PRMT3: variants seen among roughly 807,000 people sequenced by gnomAD.
The protein encoded by PRMT3 is protein arginine N-methyltransferase 3.
PRMT3 carries 62 observed loss-of-function variants against 71.9 expected under a neutral mutation model. The observed-to-expected ratio is 0.86, with a 90% CI of 0.70 to 1.07. The LOEUF (loss-of-function observed/expected upper bound fraction) is 1.07, where lower values mean the gene tolerates loss of function less well. PRMT3 is among the 50% of genes least tolerant of loss of function. The pLI, the probability that PRMT3 is intolerant of heterozygous loss-of-function variation, is 0.00. For missense variants in PRMT3, 663 were observed against 643.0 expected (o/e 1.03, Z -0.34); for synonymous variants, 213 against 220.4 (o/e 0.97, Z 0.30).
At chr11:20,426,687 T>C in intron 9 of PRMT3, 79 bp from the exon 10 acceptor site, 1 of 1,302,438 alleles carries the variant, frequency 7.7e-7, no homozygotes, top group East Asian at 3.2e-5. Context: ...ACAATACGAG[T>C]TGTTGGCAAA....
In PRMT3 at chr11:20,475,263, A is replaced by C. The variant is rs187374788; in HGVS notation, c.1347+10717A>C. Among the ~76,000 whole-genome samples, 243 of 152,328 alleles carry C rather than the reference A, an allele frequency of 1.6e-3. 1 individual carries two copies. The highest frequency in any genetic ancestry group is 3.9e-3 in the Admixed American group (60 of 15,308). On this transcript the variant is annotated intron_variant, in intron 13 of 15. Transcript: ENST00000331079. ...TATTATTATCCTTTAACAAGAAGGG[A>C]AACTTTGAAGAGGAACTTCTACTTT... is the stretch of plus-strand genomic sequence containing the variant.
chr11:20,428,932 C>T (rs1453685007), intron 10 of PRMT3, among the ~76,000 whole-genome samples: 1 of 152,188 alleles, frequency 6.6e-6, no homozygotes. Flanking sequence ...GCAACCCCAG[C>T]CCTGGGTTCT....
At chr11:20,414,752 A>G (rs1849265272) in intron 9 of PRMT3, among the ~76,000 whole-genome samples, 1 of 152,162 alleles carries the variant, frequency 6.6e-6, no homozygotes, top group Non-Finnish European at 1.5e-5. Flanking sequence ...TCAGTTTGAC[A>G]TTAAAGATGC....
chr11:20,491,194 T>C (rs1308723206), intron 13 of PRMT3, among the ~76,000 whole-genome samples: 2 of 152,198 alleles, frequency 1.3e-5, no homozygotes, highest in Non-Finnish European at 2.9e-5. Flanking sequence ...TTGGTGCTTT[T>C]TTATGGTTTC....
At chr11:20,418,217 G>C (rs1056632672) in intron 9 of PRMT3, among the ~76,000 whole-genome samples, 2 of 152,106 alleles carry the variant, frequency 1.3e-5, no homozygotes, top group East Asian at 1.9e-4. Flanking sequence ...CTCTACATTA[G>C]AATCATGCTA....
chr11:20,423,122 T>G (rs918377107), intron 9 of PRMT3, among the ~76,000 whole-genome samples: 1 of 152,214 alleles, frequency 6.6e-6, no homozygotes, highest in African/African-American at 2.4e-5. Context: ...TGAGTTAGAT[T>G]TGACACTCTG....
intron 13 of PRMT3, among the ~76,000 whole-genome samples, chr11:20,482,099 G>A (rs1850950900): frequency 6.6e-6 from 1 of 152,090 alleles, no homozygotes. Context: ...CCCTGCAGTT[G>A]AGTAAAATAA....
chr11:20,441,076 T>C (rs1348195838), intron 10 of PRMT3, among the ~76,000 whole-genome samples: 3 of 152,012 alleles, frequency 2.0e-5, no homozygotes, highest in Admixed American at 1.3e-4. Context: ...GGTTGATATA[T>C]TGTAATAATA....
chr11:20,447,160 CT>C (rs931335161), intron 10 of PRMT3, among the ~76,000 whole-genome samples: 8 of 150,598 alleles, frequency 5.3e-5, no homozygotes, highest in African/African-American at 1.2e-4. Context: ...AAGTTTGGTG[CT>C]TTTTTTTTAA....
At chr11:20,505,307 T>TA (rs1851564520) in intron 15 of PRMT3, among the ~76,000 whole-genome samples, 1 of 152,164 alleles carries the variant, frequency 6.6e-6, no homozygotes. Context: ...ATAGAATACT[T>TA]ACTTTATGTT....
At chr11:20,493,152 G>T (rs1851249595) in intron 13 of PRMT3, among the ~76,000 whole-genome samples, 1 of 150,474 alleles carries the variant, frequency 6.6e-6, no homozygotes, top group African/African-American at 2.4e-5. Context: ...AAATCTTTTT[G>T]TACTATCACA....
intron 8 of PRMT3, 48 bp downstream of exon 8, chr11:20,403,032 C>T: frequency 7.3e-7 from 1 of 1,366,452 alleles, no homozygotes; most frequent in African/African-American, 1.4e-5. Flanking sequence ...TGTTCTTGGG[C>T]AGTAGAAATC....
intron 10 of PRMT3, among the ~76,000 whole-genome samples, chr11:20,440,462 G>A (rs564128234): frequency 7.7e-5 from 11 of 142,334 alleles, no homozygotes; most frequent in South Asian, 4.5e-4. Flanking sequence ...TGGCTAACAC[G>A]GTGAAACCCC....
At chr11:20,422,607 A>C (rs1469617289) in intron 9 of PRMT3, among the ~76,000 whole-genome samples, 1 of 152,036 alleles carries the variant, frequency 6.6e-6, no homozygotes, top group Non-Finnish European at 1.5e-5. Flanking sequence ...GCCATTTCCT[A>C]CCGAGGTTAG....
At chr11:20,391,004 C>A (rs1007384821) in intron 3 of PRMT3, among the ~76,000 whole-genome samples, 7 of 151,422 alleles carry the variant, frequency 4.6e-5, no homozygotes, top group Non-Finnish European at 1.0e-4. Flanking sequence ...GAGCTAAGAT[C>A]ATGCCACTGC....
intron 13 of PRMT3, among the ~76,000 whole-genome samples, chr11:20,468,422 G>A (rs975803537): frequency 6.6e-6 from 1 of 152,146 alleles, no homozygotes; most frequent in African/African-American, 2.4e-5. Flanking sequence ...AGGCTGGAGT[G>A]CAGTGGCATG....
intron 9 of PRMT3, among the ~76,000 whole-genome samples, chr11:20,411,724 A>G (rs1197850978): frequency 1.3e-5 from 2 of 152,156 alleles, no homozygotes; most frequent in African/African-American, 4.8e-5. Context: ...TAGCTAAGTG[A>G]ACATTTTGCA....
chr11:20,465,512 C>T (rs964021689), intron 13 of PRMT3, among the ~76,000 whole-genome samples: 10 of 151,700 alleles, frequency 6.6e-5, no homozygotes, highest in African/African-American at 2.2e-4. Flanking sequence ...TGGTTCAGAT[C>T]GATATATTAT....
chr11:20,500,962 T>C (rs1489389712), intron 15 of PRMT3, among the ~76,000 whole-genome samples: 1 of 152,192 alleles, frequency 6.6e-6, no homozygotes, highest in African/African-American at 2.4e-5. Flanking sequence ...TTTTCATCAT[T>C]TCCAACCCCA....
Sources: gnomAD v4.1 joint callset for allele counts (sites outside exome capture counted in the v4.1 genomes callset) on GRCh38, gnomAD v4.1.1 for gene constraint, MANE v1.5 for transcripts, NCBI Gene and HGNC (gene_info 2026-07-23, HGNC 2026-07-21) for gene names.